Variants in HABP2 observed in about 807,000 individuals in gnomAD.
HABP2 encodes factor VII-activating protease.
Under a neutral mutation model 66.5 loss-of-function variants are expected in HABP2, and 65 were observed. That is an observed-to-expected ratio of 0.98 (90% CI 0.80 to 1.20). HABP2 has a LOEUF of 1.20. Ranked by LOEUF, HABP2 falls within the 50% of genes most tolerant of loss-of-function variation. HABP2 has a pLI of 0.00. For synonymous variants in HABP2, 263 were observed against 253.9 expected, an observed-to-expected ratio of 1.04 and a Z score of -0.34; for missense variants, 786 against 691.0, an observed-to-expected ratio of 1.14 and a Z score of -1.54.
rs1290999460 is a variant in HABP2 at position 113,583,216 on chromosome 10, C to T, written c.1095C>T (p.Asp365=). ...CTGACCATCTCATTTTCCCTTGCAG[C>T]ATAAAAACCAGACATCTAAAGGTGG... The part of the protein sequence containing the change: ...CWVLTAAHCT[D]IKTRHLKVVL... Residue 365 remains aspartate, a splice_region_variant and synonymous_variant, in exon 10 of 13, where the codon GAC becomes GAT. Transcript: ENST00000351270. 2.5e-6 allele frequency: 4 copies of T among 1,613,558 alleles called. No individual in the cohort carries two copies. The highest frequency in any genetic ancestry group is 3.4e-6 in the Non-Finnish European group (4 of 1,179,704).
intron 12 of HABP2, among the ~76,000 whole-genome samples, 163 bp from the exon 13 acceptor site, chr10:113,588,042 A>G (rs1290666894): frequency 6.6e-6 from 1 of 152,182 alleles, no homozygotes; most frequent in Non-Finnish European, 1.5e-5. Context: ...GTCTTGTATC[A>G]TGTGAGATGT....
In HABP2 at chr10:113,589,128, C is replaced by A. The variant is rs113256086; in HGVS notation, c.*759C>A. 5 of 1,502,690 alleles carry A rather than the reference C, an allele frequency of 3.3e-6. No individual in the cohort carries two copies. The highest frequency in any genetic ancestry group is 1.7e-5 in the Admixed American group (1 of 59,342). The allele number at this position is 1,502,690 out of a possible 1,614,324, so 93.1% of individuals were successfully genotyped here. Reference sequence around the variant, plus strand: ...AGTTAAAATGAAGCTCCCCCACCCCCACTCCCGGCCCCGGTTCCCACAGGA... The same window carrying A: ...AGTTAAAATGAAGCTCCCCCACCCCAACTCCCGGCCCCGGTTCCCACAGGA... On this transcript the variant is annotated 3_prime_UTR_variant, in exon 13 of 13. Coordinates refer to ENST00000351270, the MANE Select transcript of HABP2 (RefSeq NM_004132.5).
intron 7 of HABP2, among the ~76,000 whole-genome samples, chr10:113,579,645 T>C (rs1343458310): frequency 6.6e-6 from 1 of 152,266 alleles, no homozygotes; most frequent in Non-Finnish European, 1.5e-5. Flanking sequence ...CAGGCCACTC[T>C]GTTGGCTTCC....
At chr10:113,565,450 A>G (rs4614370) in intron 1 of HABP2, among the ~76,000 whole-genome samples, 49,523 of 152,088 alleles carry the variant, frequency 0.33, 9,380 homozygotes, top group East Asian at 0.51. Context: ...AGGGGAGCCA[A>G]TGTACAGAGA....
At position 113,588,344 on chromosome 10, in the gene HABP2, C is replaced by CCAT. The variant is rs1564683720; in HGVS notation, c.1661_1663dup (p.Ile554dup). On this transcript the variant is annotated inframe_insertion, in exon 13 of 13. Coordinates refer to ENST00000351270, the MANE Select transcript of HABP2 (RefSeq NM_004132.5). ...AAATTCCTGAATTGGATCAAAGCCA[C>CCAT]CATCAAAAGTGAAAGTGGCTTCTAA... The CCAT allele has an allele frequency of 6.2e-7, 1 of 1,613,406 alleles. No individual in the cohort carries two copies. Among genetic ancestry groups the CCAT allele is most frequent in the East Asian group, 2.2e-5 (1 of 44,874 alleles).
At position 113,580,839 on chromosome 10, in the gene HABP2, C is replaced by T. The variant is rs10749137; in HGVS notation, c.838+147C>T. The T allele has an allele frequency of 0.39, 231,683 of 587,606 alleles. 46,692 individuals carry two copies. The highest frequency in any genetic ancestry group is 0.49 in the Admixed American group (16,761 of 34,324). The allele number at this position is 587,606 out of a possible 1,614,324, so 36.4% of individuals were successfully genotyped here. A position where few individuals can be genotyped will look rare whatever the true frequency, so the allele number is the denominator to read the frequency against. On this transcript the variant is annotated intron_variant, in intron 8 of 12. Transcript: ENST00000351270. ...CCATCCCAGTGCCAGCCCAACTGCC[C>T]AACTGTCTGCACCCACCAGGATGCC...
At chr10:113,563,766 T>C (rs1356528900) in intron 1 of HABP2, among the ~76,000 whole-genome samples, 1 of 152,172 alleles carries the variant, frequency 6.6e-6, no homozygotes, top group Non-Finnish European at 1.5e-5. Flanking sequence ...AGGAAGGATG[T>C]CCCTCAAAGT....
chr10:113,575,510 G>A (rs995791628), intron 3 of HABP2, among the ~76,000 whole-genome samples: 4 of 152,110 alleles, frequency 2.6e-5, no homozygotes, highest in Non-Finnish European at 5.9e-5. Flanking sequence ...CTGGAAGTAG[G>A]GGAGGTCTTC....
chr10:113,578,493 A>G, intron 6 of HABP2, 134 bp from the exon 7 acceptor site: 1 of 671,934 alleles, frequency 1.5e-6, no homozygotes, highest in Non-Finnish European at 2.6e-6. Context: ...TTTTTTCTGA[A>G]ATTCGTGGTG....
chr10:113,568,707 T>A (rs2133758658), intron 2 of HABP2, among the ~76,000 whole-genome samples: 1 of 152,274 alleles, frequency 6.6e-6, no homozygotes, highest in Non-Finnish European at 1.5e-5. Flanking sequence ...ACCAAGGGGC[T>A]GGAAGGGTGG....
rs752305540 is a variant in HABP2, at chr10:113,583,109, C to G, written c.1095-107C>G. On this transcript the variant is annotated intron_variant, in intron 9 of 12. Coordinates refer to ENST00000351270, the MANE Select transcript of HABP2 (RefSeq NM_004132.5). Reference sequence around the variant, plus strand: ...CCACAGCAGAGTTCTGTGAGTGAGACGAGGGTTACAAATGAGGAGGCTGAG... The same window carrying G: ...CCACAGCAGAGTTCTGTGAGTGAGAGGAGGGTTACAAATGAGGAGGCTGAG... 34 of 877,250 alleles carry G rather than the reference C, an allele frequency of 3.9e-5. 1 individual carries two copies. The South Asian group carries it at 4.9e-4, about 13-fold the overall frequency. The allele number at this position is 877,250 out of a possible 1,614,324, so 54.3% of individuals were successfully genotyped here. A position where few individuals can be genotyped will look rare whatever the true frequency, so the allele number is the denominator to read the frequency against.
intron 9 of HABP2, 109 bp downstream of exon 9, chr10:113,582,240 T>G (rs932314131): frequency 1.8e-6 from 2 of 1,138,416 alleles, no homozygotes; most frequent in Non-Finnish European, 2.4e-6. Context: ...GGGGGTCTGA[T>G]CTGTTCAAGG....
In HABP2 at chr10:113,576,560, T is replaced by C. The variant is rs7923219; in HGVS notation, c.331+556T>C. 8.4e-3 allele frequency among the ~76,000 whole-genome samples: 1,281 copies of C among 152,228 alleles called. 16 individuals carry two copies. The highest frequency in any genetic ancestry group is 0.029 in the African/African-American group (1,189 of 41,528). ...TAACATGAGGCAGTGGAATAAAGCATCAGGAATAGGACTCCTAGGGGCTAA... is the reference window on the plus strand; with the variant it reads ...TAACATGAGGCAGTGGAATAAAGCACCAGGAATAGGACTCCTAGGGGCTAA... On this transcript the variant is annotated intron_variant, in intron 4 of 12. Coordinates refer to ENST00000351270, the MANE Select transcript of HABP2 (RefSeq NM_004132.5).
chr10:113,589,272 T>C lies in HABP2; in HGVS notation c.*903T>C, dbSNP rs1469052471. 3 of 592,952 alleles carry C rather than the reference T, an allele frequency of 5.1e-6. No individual in the cohort carries two copies. Among genetic ancestry groups the C allele is most frequent in the Admixed American group, 3.1e-5 (1 of 32,262 alleles). The allele number at this position is 592,952 out of a possible 1,614,324, so 36.7% of individuals were successfully genotyped here. A position where few individuals can be genotyped will look rare whatever the true frequency, so the allele number is the denominator to read the frequency against. Reference sequence around the variant, plus strand: ...GGAATGAGAAAGCAAAGCCAATCTCTCATTTAGACCTGGCTTCTTTCTTCT... The same window carrying C: ...GGAATGAGAAAGCAAAGCCAATCTCCCATTTAGACCTGGCTTCTTTCTTCT... On this transcript the variant is annotated 3_prime_UTR_variant, in exon 13 of 13. Transcript: ENST00000351270.
chr10:113,572,736 C>G, intron 2 of HABP2: 1 of 452,870 alleles, frequency 2.2e-6, no homozygotes, highest in Non-Finnish European at 4.4e-6. Flanking sequence ...AAAAAGGTGG[C>G]CTCCCCTGGG....
At chr10:113,570,186 G>A (rs577064966) in intron 2 of HABP2, 33 of 152,268 alleles carry the variant, frequency 2.2e-4, no homozygotes, top group African/African-American at 7.5e-4. Flanking sequence ...CATCTCATTT[G>A]GCCTTCATTT....
upstream of HABP2, among the ~76,000 whole-genome samples, chr10:113,552,195 G>A (rs930627164): frequency 6.6e-6 from 1 of 152,154 alleles, no homozygotes; most frequent in East Asian, 1.9e-4. Flanking sequence ...ACATGCCTCC[G>A]CTGGCAGCAG....
At chr10:113,576,225 T>G (rs530624525) in intron 4 of HABP2, among the ~76,000 whole-genome samples, 36 of 152,236 alleles carry the variant, frequency 2.4e-4, no homozygotes, top group Admixed American at 2.2e-3. Context: ...ATGGGAAGAT[T>G]GAGGCTGAGA....
At chr10:113,565,162 G>A (rs1303754489) in intron 1 of HABP2, among the ~76,000 whole-genome samples, 3 of 152,188 alleles carry the variant, frequency 2.0e-5, no homozygotes, top group African/African-American at 4.8e-5. Context: ...TTAAGAATAA[G>A]TACATTTTCC....
Sources: allele counts gnomAD v4.1 joint callset (sites outside exome capture counted in the v4.1 genomes callset), GRCh38; gene constraint gnomAD v4.1.1; transcripts MANE v1.5; gene names NCBI Gene and HGNC (gene_info 2026-07-23, HGNC 2026-07-21).